Variants in GRM7 observed in about 807,000 individuals in gnomAD.
GRM7 encodes metabotropic glutamate receptor 7.
GRM7 carries 35 observed loss-of-function variants against 84.5 expected under a neutral mutation model. That is an observed-to-expected ratio of 0.41 (90% CI 0.32 to 0.55). GRM7 has a LOEUF of 0.55. Among genes scored for constraint, GRM7 ranks in the 20% least tolerant of loss-of-function variants. The pLI, the probability that GRM7 is intolerant of heterozygous loss-of-function variation, is 0.19. For synonymous variants in GRM7, 487 were observed against 455.1 expected (o/e 1.07, Z -0.89); for missense variants, 1,003 against 1,194.6 (o/e 0.84, Z 2.36).
chr3:7,634,077 T>C (rs1243274917), intron 8 of GRM7, among the ~76,000 whole-genome samples: 1 of 152,214 alleles, frequency 6.6e-6, no homozygotes, highest in Non-Finnish European at 1.5e-5. Context: ...AATTCTAACA[T>C]TGTGCTTAGC....
chr3:7,525,938 G>A lies in GRM7; in HGVS notation c.1516-52484G>A, dbSNP rs73132459. On this transcript the variant is annotated intron_variant, in intron 7 of 9. Transcript: ENST00000357716. ...TTCCATGGCATATATGTTACGTACC[G>A]CAGTTTTTAATCCAATCCACCACCA... 3.8e-3 allele frequency among the ~76,000 whole-genome samples: 583 copies of A among 152,034 alleles called. 7 individuals are homozygous for A. The highest frequency in any genetic ancestry group is 0.013 in the African/African-American group (558 of 41,478).
intron 7 of GRM7, among the ~76,000 whole-genome samples, chr3:7,545,317 G>A (rs995360915): frequency 2.3e-4 from 35 of 152,234 alleles, no homozygotes; most frequent in Non-Finnish European, 2.5e-4. Flanking sequence ...ACTACGTTAA[G>A]TATTTAATGA....
chr3:7,078,044 T>C (rs1698154535), intron 1 of GRM7, among the ~76,000 whole-genome samples: 1 of 152,120 alleles, frequency 6.6e-6, no homozygotes, highest in Non-Finnish European at 1.5e-5. Flanking sequence ...AGCACAGGCA[T>C]TGGGTAAATG....
At chr3:7,474,217 C>T (rs1698826565) in intron 7 of GRM7, among the ~76,000 whole-genome samples, 1 of 152,084 alleles carries the variant, frequency 6.6e-6, no homozygotes, top group South Asian at 2.1e-4. Context: ...CAAGACAATT[C>T]CATAATTGGT....
intron 2 of GRM7, among the ~76,000 whole-genome samples, chr3:7,256,480 T>C (rs1328484105): frequency 1.3e-5 from 2 of 152,226 alleles, no homozygotes; most frequent in East Asian, 3.8e-4. Context: ...AAAGGCTGGA[T>C]GCTGACTGGA....
At chr3:7,633,245 A>G (rs1221214212) in intron 8 of GRM7, among the ~76,000 whole-genome samples, 3 of 152,250 alleles carry the variant, frequency 2.0e-5, no homozygotes. Flanking sequence ...TAAGGCACTT[A>G]CCATGTGCCA....
At chr3:7,284,896 T>C (rs1418593600) in intron 2 of GRM7, among the ~76,000 whole-genome samples, 1 of 152,114 alleles carries the variant, frequency 6.6e-6, no homozygotes, top group Admixed American at 6.6e-5. Flanking sequence ...TAAAATATAA[T>C]GCTTATTAAA....
chr3:7,534,979 C>T (rs1701187504), intron 7 of GRM7, among the ~76,000 whole-genome samples: 1 of 152,138 alleles, frequency 6.6e-6, no homozygotes. Context: ...TTCCACTTTT[C>T]CACTCTTGTT....
At chr3:6,916,725 G>C (rs1696954063) in intron 1 of GRM7, among the ~76,000 whole-genome samples, 1 of 152,086 alleles carries the variant, frequency 6.6e-6, no homozygotes, top group Non-Finnish European at 1.5e-5. Flanking sequence ...TTGGACTGGT[G>C]ATTCGATTTC....
chr3:7,504,819 GCCCCCAA>G, intron 7 of GRM7, among the ~76,000 whole-genome samples: 1 of 152,072 alleles, frequency 6.6e-6, no homozygotes. Flanking sequence ...TCTGTCTCTA[GCCCCCAA>G]AATTAATGTC....
intron 4 of GRM7, among the ~76,000 whole-genome samples, chr3:7,399,327 G>A (rs1037992760): frequency 5.3e-5 from 8 of 152,012 alleles, no homozygotes; most frequent in Non-Finnish European, 1.0e-4. Context: ...GGTCTGTTCT[G>A]TAAAACTTTC....
At chr3:7,275,384 A>T (rs1174883079) in intron 2 of GRM7, among the ~76,000 whole-genome samples, 1 of 152,116 alleles carries the variant, frequency 6.6e-6, no homozygotes, top group Non-Finnish European at 1.5e-5. Context: ...CTGCTAAGAG[A>T]AACAGCTGTA....
intron 1 of GRM7, among the ~76,000 whole-genome samples, chr3:6,906,343 C>T (rs1029361743): frequency 6.6e-6 from 1 of 152,012 alleles, no homozygotes; most frequent in African/African-American, 2.4e-5. Context: ...GTGGGTGGCC[C>T]AGGGATGAGG....
chr3:7,615,669 A>C (rs1303494876), intron 8 of GRM7, among the ~76,000 whole-genome samples: 1 of 152,058 alleles, frequency 6.6e-6, no homozygotes, highest in African/African-American at 2.4e-5. Context: ...GTTTCAAACC[A>C]AAGCCTGAAT....
chr3:6,904,023 T>G (rs754211980), intron 1 of GRM7, among the ~76,000 whole-genome samples: 3 of 152,204 alleles, frequency 2.0e-5, no homozygotes, highest in Non-Finnish European at 4.4e-5. Context: ...AAATCCATTA[T>G]TGATTTTTTA....
chr3:7,099,285 T>A (rs1010758694), intron 1 of GRM7, among the ~76,000 whole-genome samples: 6 of 146,806 alleles, frequency 4.1e-5, no homozygotes, highest in East Asian at 2.0e-4. Context: ...ATACATGTAT[T>A]ATACATGTAT....
At chr3:7,430,686 G>A (rs752149980) in intron 5 of GRM7, among the ~76,000 whole-genome samples, 1 of 152,214 alleles carries the variant, frequency 6.6e-6, no homozygotes. Flanking sequence ...TAATAGCCCA[G>A]TTGGGGGGAC....
intron 1 of GRM7, among the ~76,000 whole-genome samples, chr3:6,868,848 A>G (rs1053921701): frequency 1.3e-5 from 2 of 152,144 alleles, no homozygotes; most frequent in African/African-American, 4.8e-5. Context: ...CTCTTGCTGT[A>G]AAAGAGCTGC....
intron 4 of GRM7, among the ~76,000 whole-genome samples, chr3:7,381,683 T>C (rs1334029121): frequency 6.6e-6 from 1 of 152,204 alleles, no homozygotes; most frequent in Admixed American, 6.5e-5. Context: ...GACTACACTA[T>C]TGGTTTGTTG....
Sources: gnomAD v4.1 joint callset for allele counts (sites outside exome capture counted in the v4.1 genomes callset) on GRCh38, gnomAD v4.1.1 for gene constraint, MANE v1.5 for transcripts, NCBI Gene and HGNC (gene_info 2026-07-23, HGNC 2026-07-21) for gene names.